ACSBG1: variants seen among roughly 807,000 people sequenced by gnomAD.
ACSBG1 encodes the protein acyl-CoA synthetase bubblegum family member 1, also known as long-chain-fatty-acid--CoA ligase ACSBG1.
A neutral mutation model predicts 80.2 loss-of-function variants in ACSBG1; 39 were observed. The observed-to-expected ratio is 0.49, with a 90% CI of 0.38 to 0.64. The LOEUF (loss-of-function observed/expected upper bound fraction) is 0.64. ACSBG1 is among the 30% of genes least tolerant of loss of function. ACSBG1 has a pLI of 0.00. For synonymous variants in ACSBG1, 392 were observed against 379.5 expected (o/e 1.03, Z -0.38); for missense variants, 828 against 966.4 (o/e 0.86, Z 1.90).
chr15:78,178,171 G>A lies in ACSBG1; in HGVS notation c.1702+443C>T, dbSNP rs930204261. Among the ~76,000 whole-genome samples, 6 of 152,216 alleles carry A rather than the reference G, an allele frequency of 3.9e-5. No individual in the cohort carries two copies. The highest frequency in any genetic ancestry group is 1.3e-4 in the Admixed American group (2 of 15,294). On this transcript the variant is annotated intron_variant, in intron 11 of 13. Coordinates refer to ENST00000258873, the MANE Select transcript of ACSBG1 (RefSeq NM_015162.5). The surrounding 1 kb of genome is among the most constrained non-coding windows in gnomAD (Gnocchi z 4.3). ...CATAGGAGAGTGGAGTAAATAAAAC[G>A]ATGTCACTAAAGGTGCCATCTTAAT...
chr15:78,167,779 C>T lies in ACSBG1; in HGVS notation c.*3665G>A, dbSNP rs2074763798. ...TACAGTATTTGTCCTTTGAGTCTGG[C>T]TTATTTCACTTAGCGTAATATCTTC... On this transcript the variant is annotated 3_prime_UTR_variant, in exon 14 of 14. Coordinates refer to ENST00000258873, the MANE Select transcript of ACSBG1 (RefSeq NM_015162.5). The T allele has an allele frequency of 1.3e-5, 2 of 152,162 alleles. No homozygotes were observed. The highest frequency in any genetic ancestry group is 4.8e-5 in the African/African-American group (2 of 41,438). 9.4% of individuals were successfully genotyped at this position (152,162 alleles called of 1,614,324 possible). A position where few individuals can be genotyped will look rare whatever the true frequency, so the allele number is the denominator to read the frequency against.
intron 5 of ACSBG1, among the ~76,000 whole-genome samples, chr15:78,189,975 AAAAG>A (rs1024425749): frequency 2.0e-5 from 3 of 152,210 alleles, no homozygotes; most frequent in Admixed American, 6.5e-5. Context: ...TCTTTAAAAA[AAAAG>A]AAAAGTTCTT....
rs1272972321 is a variant in ACSBG1, at chr15:78,173,725, T to C, written c.1957A>G (p.Lys653Glu). Residue 653 changes from lysine (K) to glutamate (E), a missense_variant, in exon 13 of 14, where the codon AAG (lysine) becomes GAG (glutamate). Transcript: ENST00000258873. ...ATGGCCTGGTACACGGCCTCATCCT[T>C]CTTCTCTATGATCTCGGACACTGTG... The part of the protein sequence containing the change: ...ATTVSEIIEK[K>E]DEAVYQAIEE... The C allele has an allele frequency of 6.2e-7, 1 of 1,614,072 alleles. No homozygotes were observed. Among genetic ancestry groups the C allele is most frequent in the African/African-American group, 1.3e-5 (1 of 74,930 alleles).
chr15:78,214,999 C>T (rs939888921), intron 1 of ACSBG1, among the ~76,000 whole-genome samples: 3 of 152,134 alleles, frequency 2.0e-5, no homozygotes, highest in Non-Finnish European at 2.9e-5. Context: ...GCCTCTGATG[C>T]GTTAGGACCC....
At chr15:78,205,313 C>T (rs775373391) in intron 2 of ACSBG1, among the ~76,000 whole-genome samples, 13 of 152,144 alleles carry the variant, frequency 8.5e-5, no homozygotes, top group Non-Finnish European at 1.5e-4. Context: ...CTCAGGACCT[C>T]AAACTTTTTG....
intron 1 of ACSBG1, among the ~76,000 whole-genome samples, chr15:78,220,396 C>A (rs1477810238): frequency 6.6e-6 from 1 of 152,126 alleles, no homozygotes; most frequent in East Asian, 1.9e-4. Flanking sequence ...ATTAATAAAT[C>A]TTTGTGACCT....
rs766259229 is a variant in ACSBG1 at position 78,194,490 on chromosome 15, TGAGGGGCC to T, written c.453+8_453+15del. 1 of 1,613,140 alleles carries T rather than the reference TGAGGGGCC, an allele frequency of 6.2e-7. No individual in the cohort carries two copies. The highest frequency in any genetic ancestry group is 1.1e-5 in the South Asian group (1 of 91,054). On this transcript the variant is annotated splice_region_variant and intron_variant, in intron 3 of 13. Coordinates refer to ENST00000258873, the MANE Select transcript of ACSBG1 (RefSeq NM_015162.5). ...TCTGGGGAGGGGCAAGGCCTTGCCA[TGAGGGGCC>T]CCCTTACCTTCAGGAAGCCCTTGGC...
chr15:78,169,007 A>G lies in ACSBG1; in HGVS notation c.*2437T>C, dbSNP rs187282021. The G allele has an allele frequency of 8.6e-5, 136 of 1,576,064 alleles. No individual in the cohort carries two copies. The East Asian group carries it at 2.9e-3, about 33-fold the overall frequency. Reference sequence around the variant, plus strand: ...CGCCGAGTAAAAGATTTAGATTAACACTTCTACAACTGGCATTTACATCAG... The same window carrying G: ...CGCCGAGTAAAAGATTTAGATTAACGCTTCTACAACTGGCATTTACATCAG... On this transcript the variant is annotated 3_prime_UTR_variant, in exon 14 of 14. Coordinates refer to ENST00000258873, the MANE Select transcript of ACSBG1 (RefSeq NM_015162.5).
At chr15:78,221,295 G>A (rs1426466325) in intron 1 of ACSBG1, among the ~76,000 whole-genome samples, 1 of 152,102 alleles carries the variant, frequency 6.6e-6, no homozygotes, top group African/African-American at 2.4e-5. Flanking sequence ...GGTGATGGTG[G>A]GGAGAAGATC....
At chr15:78,193,833 G>A (rs2075082196) in intron 4 of ACSBG1, 99 bp downstream of exon 4, 1 of 1,478,698 alleles carries the variant, frequency 6.8e-7, no homozygotes, top group Admixed American at 2.0e-5. Context: ...CAGGATGGTG[G>A]GGAGTGGGTG....
chr15:78,227,373 C>G (rs1158025391), intron 1 of ACSBG1, among the ~76,000 whole-genome samples: 1 of 151,154 alleles, frequency 6.6e-6, no homozygotes, highest in Non-Finnish European at 1.5e-5. Flanking sequence ...GATTAAGAAC[C>G]CAATTACAAA....
intron 2 of ACSBG1, 53 bp downstream of exon 2, chr15:78,207,949 A>G: frequency 4.6e-6 from 2 of 431,748 alleles, no homozygotes; most frequent in Non-Finnish European, 4.4e-6. Context: ...CAGCACACCC[A>G]GCACAGCACA....
At position 78,174,405 on chromosome 15, in the gene ACSBG1, A is replaced by G; in HGVS notation, c.1822T>C (p.Ser608Pro). 6.2e-7 allele frequency: 1 copy of G among 1,614,156 alleles called. No homozygotes were observed. The highest frequency in any genetic ancestry group is 1.1e-5 in the South Asian group (1 of 91,086). ...CACACCTTCAAGGTGAGCAGCATGG[A>G]CAGGAACTTCCTCTGGTCCCCAATG... ...MLIGDQRKFL[S>P]MLLTLKCTLD... Residue 608 changes from serine (S) to proline (P), a missense_variant, in exon 12 of 14, where the codon TCC becomes CCC. Ser to Pro is a moderately conservative substitution (Grantham distance 74). Transcript: ENST00000258873.
In ACSBG1 at chr15:78,202,389, T is replaced by G. The variant is rs373205905; in HGVS notation, c.232+5613A>C. On this transcript the variant is annotated intron_variant, in intron 2 of 13. Coordinates refer to ENST00000258873, the MANE Select transcript of ACSBG1 (RefSeq NM_015162.5). ...CCACGCCCAGCTAATTTTTTGTATT[T>G]TAGTAGAGACGGGGTATCACTATGT... 4.6e-5 allele frequency among the ~76,000 whole-genome samples: 7 copies of G among 152,056 alleles called. No homozygotes were observed. In the East Asian group the frequency reaches 1.3e-3, roughly 29 times the overall value.
At chr15:78,184,201 G>T (rs1221519223) in intron 5 of ACSBG1, among the ~76,000 whole-genome samples, 1 of 152,088 alleles carries the variant, frequency 6.6e-6, no homozygotes, top group Non-Finnish European at 1.5e-5. Context: ...GGTTTTGTTT[G>T]TTTTGTTTTG....
At chr15:78,214,384 A>G (rs184351184) in intron 1 of ACSBG1, among the ~76,000 whole-genome samples, 1 of 152,300 alleles carries the variant, frequency 6.6e-6, no homozygotes, top group Admixed American at 6.5e-5. Flanking sequence ...GGTTTGGATG[A>G]GGTGAAAAAA....
At position 78,178,476 on chromosome 15, in the gene ACSBG1, G is replaced by T; in HGVS notation, c.1702+138C>A. The T allele has an allele frequency of 1.0e-6, 1 of 957,828 alleles. No individual in the cohort carries two copies. The highest frequency in any genetic ancestry group is 1.5e-6 in the Non-Finnish European group (1 of 670,594). The allele number at this position is 957,828 out of a possible 1,614,324, so 59.3% of individuals were successfully genotyped here. On this transcript the variant is annotated intron_variant, in intron 11 of 13. Coordinates refer to ENST00000258873, the MANE Select transcript of ACSBG1 (RefSeq NM_015162.5). The surrounding 1 kb of genome is among the most constrained non-coding windows in gnomAD (Gnocchi z 4.3). ...ACCACGCCCAGCTAATTTTTCGTGT[G>T]TTTTTAGTAGAGATGGGGTTTCGCT...
chr15:78,217,588 T>C (rs1361143580), intron 1 of ACSBG1, among the ~76,000 whole-genome samples: 2 of 149,936 alleles, frequency 1.3e-5, no homozygotes, highest in East Asian at 3.9e-4. Context: ...TTTTTTGAGA[T>C]GGAGTCTTCA....
At chr15:78,212,672 G>GT (rs751769239) in intron 1 of ACSBG1, 70 of 447,520 alleles carry the variant, frequency 1.6e-4, no homozygotes, top group Non-Finnish European at 2.8e-4. Flanking sequence ...ATGTCACGGA[G>GT]TCCCCCCGGG....
Sources: gnomAD v4.1 joint callset for allele counts (sites outside exome capture counted in the v4.1 genomes callset) on GRCh38, gnomAD v4.1.1 for gene constraint, Gnocchi (gnomAD v3.1) non-coding constraint, MANE v1.5 for transcripts, NCBI Gene and HGNC (gene_info 2026-07-23, HGNC 2026-07-21) for gene names.